The following EIF4A1 variants were observed in gnomAD, a reference collection of about 807,000 sequenced individuals.
EIF4A1 encodes eukaryotic initiation factor 4A-I.
EIF4A1 carries 11 observed loss-of-function variants against 53.5 expected under a neutral mutation model. The ratio of observed to expected loss-of-function variants is 0.21; its 90% CI spans 0.13 to 0.34. The LOEUF (loss-of-function observed/expected upper bound fraction) is 0.34. Among genes scored for constraint, EIF4A1 ranks in the 10% least tolerant of loss-of-function variants. EIF4A1 has a pLI of 1.00. For synonymous variants in EIF4A1, 237 were observed against 186.7 expected, an observed-to-expected ratio of 1.27 and a Z score of -2.20; for missense variants, 213 against 530.8, an observed-to-expected ratio of 0.40 and a Z score of 5.88.
chr17:7,573,010 G>T, intron 1 of EIF4A1, 146 bp downstream of exon 1: 2 of 1,470,042 alleles, frequency 1.4e-6, no homozygotes, highest in Non-Finnish European at 9.5e-7. Flanking sequence ...GGGGCGAGGG[G>T]GAAGACCCAC....
At chr17:7,573,551 T>C (rs1479463227) in intron 1 of EIF4A1, 2 of 130,276 alleles carry the variant, frequency 1.5e-5, no homozygotes, top group Non-Finnish European at 3.2e-5. Flanking sequence ...GCCTGAGGTA[T>C]GGGAGGGCGA....
rs1282781581 is a variant in EIF4A1, at chr17:7,574,687, T to C, written c.205+9T>C. The C allele has an allele frequency of 6.2e-7, 1 of 1,612,260 alleles. No individual in the cohort carries two copies. The highest frequency in any genetic ancestry group is 2.2e-5 in the East Asian group (1 of 44,894). ...TCTACCTTGTATCAAGGGTGAGACC[T>C]CTCAGTCCCAGAAGACATTGTGGAC... is the stretch of plus-strand genomic sequence containing the variant. On this transcript the variant is annotated intron_variant, in intron 3 of 10. Transcript: ENST00000293831.
In EIF4A1 at chr17:7,577,956, T is replaced by A. The variant is rs368863865; in HGVS notation, c.996+40T>A. ...CTGATAGCAAAGGCAGAAGGGAGGA[T>A]CCAAGGTGATTCCCTCTCCAAGGGG... On this transcript the variant is annotated intron_variant, in intron 9 of 10. Coordinates refer to ENST00000293831, the MANE Select transcript of EIF4A1 (RefSeq NM_001416.4). This position sits in a 1 kb window ranked among gnomAD's most constrained non-coding sequence, Gnocchi z 4.7. The A allele has an allele frequency of 6.2e-7, 1 of 1,610,428 alleles. No homozygotes were observed. Among genetic ancestry groups the A allele is most frequent in the African/African-American group, 1.3e-5 (1 of 74,830 alleles).
Position 7,572,854 on chromosome 17 carries a change from C to A in EIF4A1, c.13C>A (p.Gln5Lys). Residue 5 changes from glutamine to lysine, a missense_variant, in exon 1 of 11, where the codon CAG (glutamine) becomes AAG (lysine). By Grantham distance (53) the Gln-to-Lys change is moderately conservative. Around this residue, in one of 4 missense-constraint regions of EIF4A1, gnomAD observed 53 missense variants for 34.0 expected, o/e 1.56. Coordinates refer to ENST00000293831, the MANE Select transcript of EIF4A1 (RefSeq NM_001416.4). Reference protein sequence around the residue: MSASQDSRSRDNGPD... With the variant: MSASKDSRSRDNGPD... ...GTTTCTAAGGATCATGTCTGCGAGC[C>A]AGGATTCCCGGTAAGAAAGGCATTT... 1 of 1,614,142 alleles carries A rather than the reference C, an allele frequency of 6.2e-7. No homozygotes were observed. The highest frequency in any genetic ancestry group is 8.5e-7 in the Non-Finnish European group (1 of 1,179,972).
rs1216539770 is a variant in EIF4A1 at position 7,577,397 on chromosome 17, G to A, written c.678G>A (p.Lys226=). ...CTGATGTGCTTGAGGTGACCAAGAAGTTCATGAGGGACCCCATTCGGATTC... is the reference window on the plus strand; with the variant it reads ...CTGATGTGCTTGAGGTGACCAAGAAATTCATGAGGGACCCCATTCGGATTC... The part of the protein sequence containing the change: ...MPSDVLEVTK[K]FMRDPIRILV... The change falls in exon 7 of 11, where the codon AAG becomes AAA. Residue 226 remains lysine, a synonymous_variant. Coordinates refer to ENST00000293831, the MANE Select transcript of EIF4A1 (RefSeq NM_001416.4). This position sits in a 1 kb window ranked among gnomAD's most constrained non-coding sequence, Gnocchi z 4.7. 1 of 1,614,160 alleles carries A rather than the reference G, an allele frequency of 6.2e-7. No homozygotes were observed. The highest frequency in any genetic ancestry group is 1.1e-5 in the South Asian group (1 of 91,074).
intron 1 of EIF4A1, chr17:7,573,208 C>A: frequency 2.2e-6 from 1 of 464,978 alleles, no homozygotes; most frequent in Non-Finnish European, 3.9e-6. Context: ...ATGTGTGGCC[C>A]AGAGCCGGCA....
chr17:7,575,663 T>C, intron 4 of EIF4A1: 5 of 331,498 alleles, frequency 1.5e-5, no homozygotes, highest in Non-Finnish European at 3.0e-5. Flanking sequence ...CTGGACTTTT[T>C]CCTGGGTCAT....
At chr17:7,575,088 A>G in intron 3 of EIF4A1, 31 bp from the exon 4 acceptor site, 1 of 1,610,788 alleles carries the variant, frequency 6.2e-7, no homozygotes, top group Non-Finnish European at 8.5e-7. Context: ...TATGCTCTTT[A>G]CCACATTCAA....
chr17:7,573,049 A>G (rs2071345155), intron 1 of EIF4A1, among the ~76,000 whole-genome samples, 185 bp downstream of exon 1: 1 of 151,836 alleles, frequency 6.6e-6, no homozygotes, highest in Admixed American at 6.6e-5. Flanking sequence ...GTCGAGGCGG[A>G]GGGTAGGGAC....
In EIF4A1 at chr17:7,578,495, C is replaced by G; in HGVS notation, c.*9C>G. On this transcript the variant is annotated 3_prime_UTR_variant, in exon 11 of 11. Coordinates refer to ENST00000293831, the MANE Select transcript of EIF4A1 (RefSeq NM_001416.4). Reference sequence around the variant, plus strand: ...TTGCTGACCTCATCTGAGGGGCTGTCCTGCCACCCAGCCCCAGCCAGGGCT... The same window carrying G: ...TTGCTGACCTCATCTGAGGGGCTGTGCTGCCACCCAGCCCCAGCCAGGGCT... 6.3e-7 allele frequency: 1 copy of G among 1,576,758 alleles called. No homozygotes were observed. Among genetic ancestry groups the G allele is most frequent in the Non-Finnish European group, 8.6e-7 (1 of 1,158,660 alleles).
intron 5 of EIF4A1, 24 bp downstream of exon 5, chr17:7,576,716 C>T (rs752655216): frequency 8.8e-6 from 14 of 1,582,224 alleles, no homozygotes; most frequent in East Asian, 6.8e-5. Flanking sequence ...TTCTCCAATC[C>T]CCTGGGTCAC....
chr17:7,573,017 C>T (rs768372001), intron 1 of EIF4A1, among the ~76,000 whole-genome samples, 153 bp downstream of exon 1: 1 of 152,098 alleles, frequency 6.6e-6, no homozygotes, highest in African/African-American at 2.4e-5. Context: ...GGGGGAAGAC[C>T]CACGGCCGAC....
intron 4 of EIF4A1, chr17:7,575,621 G>A (rs2071390199): frequency 2.7e-6 from 1 of 372,240 alleles, no homozygotes; most frequent in Non-Finnish European, 5.2e-6. Context: ...AGCCAGAGCT[G>A]TTTCATGCCT....
chr17:7,577,298 C>G lies in EIF4A1; in HGVS notation c.625-46C>G. On this transcript the variant is annotated intron_variant, in intron 6 of 10. Coordinates refer to ENST00000293831, the MANE Select transcript of EIF4A1 (RefSeq NM_001416.4). This position sits in a 1 kb window ranked among gnomAD's most constrained non-coding sequence, Gnocchi z 4.7. The stretch of plus-strand genomic sequence containing the variant: ...GGTGTGGCTAGGGAAGGGAGCAGGC[C>G]TCAGGAAGGAACCAGCACTCTAAGA... 1.2e-6 allele frequency: 2 copies of G among 1,608,616 alleles called. No homozygotes were observed. The highest frequency in any genetic ancestry group is 1.7e-6 in the Non-Finnish European group (2 of 1,176,778).
At position 7,577,321 on chromosome 17, in the gene EIF4A1, A is replaced by C. The variant is rs775760123; in HGVS notation, c.625-23A>C. The C allele has an allele frequency of 1.9e-5, 31 of 1,613,548 alleles. No individual in the cohort carries two copies. Among genetic ancestry groups the C allele is most frequent in the African/African-American group, 4.0e-5 (3 of 74,904 alleles). On this transcript the variant is annotated intron_variant, in intron 6 of 10. Coordinates refer to ENST00000293831, the MANE Select transcript of EIF4A1 (RefSeq NM_001416.4). This position sits in a 1 kb window ranked among gnomAD's most constrained non-coding sequence, Gnocchi z 4.7. The stretch of plus-strand genomic sequence containing the variant: ...GCCTCAGGAAGGAACCAGCACTCTA[A>C]GACTGGCCTTTTTTTCCACTAGGTA...
intron 1 of EIF4A1, 33 bp from the exon 2 acceptor site, chr17:7,574,227 G>T (rs1281371680): frequency 6.2e-7 from 1 of 1,613,448 alleles, no homozygotes; most frequent in Non-Finnish European, 8.5e-7. Context: ...CTTCGGTCGG[G>T]CAGGGGACAA....
At position 7,576,499 on chromosome 17, in the gene EIF4A1, T is replaced by G. The variant is rs1231837641; in HGVS notation, c.346-25T>G. 3.3e-6 allele frequency: 5 copies of G among 1,536,858 alleles called. No individual in the cohort carries two copies. In the South Asian group the frequency reaches 5.0e-5, roughly 15 times the overall value. Reference sequence around the variant, plus strand: ...GCCGGGCACAGTGGTAACTGACATATGAGCACCTGCCTCTCTCTGCTCAGA... The same window carrying G: ...GCCGGGCACAGTGGTAACTGACATAGGAGCACCTGCCTCTCTCTGCTCAGA... On this transcript the variant is annotated intron_variant, in intron 4 of 10. Transcript: ENST00000293831.
chr17:7,577,018 A>G lies in EIF4A1; in HGVS notation c.515-38A>G. On this transcript the variant is annotated intron_variant, in intron 5 of 10. Transcript: ENST00000293831. The surrounding 1 kb of genome is among the most constrained non-coding windows in gnomAD (Gnocchi z 4.7). ...GATATATCTCTCCCACATTTCCCTA[A>G]TCATATGCTATATATTGGCTTTTTT... 1 of 1,609,632 alleles carries G rather than the reference A, an allele frequency of 6.2e-7. No homozygotes were observed. The highest frequency in any genetic ancestry group is 1.7e-4 in the Middle Eastern group (1 of 6,058).
In EIF4A1 at chr17:7,574,467, C is replaced by A. The variant is rs1161818385; in HGVS notation, c.73-79C>A. On this transcript the variant is annotated intron_variant, in intron 2 of 10. Transcript: ENST00000293831. ...CTCTGAGGCTTTTGTTAGTAGGCAC[C>A]AGATTCTGTTTGCTCGGAGACTACA... The A allele has an allele frequency of 1.9e-6, 3 of 1,603,138 alleles. No individual in the cohort carries two copies. The African/African-American group carries it at 4.0e-5, about 22-fold the overall frequency.
Sources: gnomAD v4.1 joint callset for allele counts (sites outside exome capture counted in the v4.1 genomes callset) on GRCh38, gnomAD v4.1.1 for gene constraint, gnomAD v4.1.1 regional missense constraint, Gnocchi (gnomAD v3.1) non-coding constraint, MANE v1.5 for transcripts, NCBI Gene and HGNC (gene_info 2026-07-23, HGNC 2026-07-21) for gene names.